COL12A1: variants seen among roughly 807,000 people sequenced by gnomAD.
The protein encoded by COL12A1 is collagen type XII alpha 1 chain.
A neutral mutation model predicts 349.7 loss-of-function variants in COL12A1; 114 were observed. The observed-to-expected ratio is 0.33, with a 90% CI of 0.28 to 0.38. The LOEUF is 0.38. Ranked by LOEUF, COL12A1 falls within the 10% of genes least tolerant of loss-of-function variation. The pLI, the probability that COL12A1 is intolerant of heterozygous loss-of-function variation, is 1.00. For missense variants in COL12A1, 3,284 were observed against 3,756.9 expected (o/e 0.87, Z 3.29); for synonymous variants, 1,369 against 1,329.0 (o/e 1.03, Z -0.66).
intron 1 of COL12A1, among the ~76,000 whole-genome samples, chr6:75,203,150 C>T (rs1030575163): frequency 3.3e-5 from 5 of 152,178 alleles, no homozygotes; most frequent in Non-Finnish European, 5.9e-5. Context: ...ATTCAGAGGT[C>T]ATTTTATCCC....
intron 46 of COL12A1, 41 bp downstream of exon 46, chr6:75,119,002 G>T (rs774610518): frequency 1.9e-6 from 3 of 1,610,470 alleles, no homozygotes; most frequent in Admixed American, 1.7e-5. Context: ...ATTTAAAAAT[G>T]TTAAAATTTC....
rs1217119772 is a variant in COL12A1 at position 75,138,436 on chromosome 6, C to T, written c.5230+12G>A. ...AAAATATCAATGTCCTATTTGAAAG[C>T]TAAACACCTACGTGTGCGCTCACTG... is the stretch of plus-strand genomic sequence containing the variant. On this transcript the variant is annotated intron_variant, in intron 29 of 65. Coordinates refer to ENST00000322507, the MANE Select transcript of COL12A1 (RefSeq NM_004370.6). The T allele has an allele frequency of 5.6e-6, 9 of 1,610,992 alleles. No homozygotes were observed. Among genetic ancestry groups the T allele is most frequent in the African/African-American group, 1.3e-5 (1 of 74,796 alleles).
Position 75,183,418 on chromosome 6 carries a change from T to C in COL12A1, c.1523A>G (p.Asn508Ser). The C allele has an allele frequency of 6.2e-7, 1 of 1,614,204 alleles. No individual in the cohort carries two copies. The highest frequency in any genetic ancestry group is 8.5e-7 in the Non-Finnish European group (1 of 1,180,040). Residue 508 changes from asparagine (N) to serine (S), a missense_variant, in exon 10 of 66, where the codon AAC (asparagine) becomes AGC (serine). Physicochemically the swap from Asn to Ser is conservative, Grantham distance 46 (BLOSUM62 1). Coordinates refer to ENST00000322507, the MANE Select transcript of COL12A1 (RefSeq NM_004370.6). ...AGATCCTCCTCTGTAAGGGAAGGTG[T>C]TTATTGCTTCAATTATATCTTCAAC... ...TKVEDIIEAI[N>S]TFPYRGGSTN...
At position 75,148,458 on chromosome 6, in the gene COL12A1, C is replaced by A. The variant is rs370549168; in HGVS notation, c.4187G>T (p.Arg1396Leu). ...EAPSNLVISE[R>L]THRSFRVSWT... is the part of the protein sequence containing the mutation. ...GCTCACTCTAAAAGAACGATGGGTT[C>A]GCTCAGAAATAACTAAGTTAGAAGG... The change falls in exon 22 of 66, where the codon CGA becomes CTA. Residue 1396 changes from arginine (R) to leucine (L), a missense_variant. By Grantham distance (102) the Arg-to-Leu change is moderately radical. Transcript: ENST00000322507. 1.9e-6 allele frequency: 3 copies of A among 1,613,376 alleles called. 1 individual carries two copies. The South Asian group carries it at 3.3e-5, about 18-fold the overall frequency.
At chr6:75,124,667 G>A (rs1183591005) in intron 40 of COL12A1, among the ~76,000 whole-genome samples, 2 of 152,108 alleles carry the variant, frequency 1.3e-5, no homozygotes, top group African/African-American at 4.8e-5. Flanking sequence ...AAGGCTATCT[G>A]CTAAGTCGTT....
chr6:75,156,819 A>T (rs1045201053), intron 14 of COL12A1, among the ~76,000 whole-genome samples: 1 of 152,214 alleles, frequency 6.6e-6, no homozygotes, highest in African/African-American at 2.4e-5. Context: ...TTCCGGAGAT[A>T]AGGTTTTAGA....
chr6:75,142,663 C>T (rs1766960418), intron 26 of COL12A1, among the ~76,000 whole-genome samples: 1 of 152,150 alleles, frequency 6.6e-6, no homozygotes, highest in South Asian at 2.1e-4. Flanking sequence ...TCCTATGTTC[C>T]AAAAATGCCT....
chr6:75,112,753 A>G (rs1183984927), intron 51 of COL12A1, among the ~76,000 whole-genome samples: 1 of 151,656 alleles, frequency 6.6e-6, no homozygotes, highest in Non-Finnish European at 1.5e-5. Context: ...TTTCACTGGC[A>G]TGTTTGTACT....
chr6:75,127,783 G>C (rs188194155), intron 38 of COL12A1, among the ~76,000 whole-genome samples: 6 of 152,226 alleles, frequency 3.9e-5, no homozygotes, highest in Non-Finnish European at 8.8e-5. Context: ...GTAAAAATGG[G>C]TCTGAACATT....
chr6:75,117,325 T>C, intron 47 of COL12A1, 57 bp downstream of exon 47: 2 of 1,557,422 alleles, frequency 1.3e-6, no homozygotes, highest in Non-Finnish European at 1.8e-6. Context: ...AATTGTCTAC[T>C]AAGTAATTGT....
rs1352539003 is a variant in COL12A1, at chr6:75,087,655, G to A, written c.9103C>T (p.Arg3035Ter). 1.9e-6 allele frequency: 3 copies of A among 1,611,054 alleles called. No individual in the cohort carries two copies. Among genetic ancestry groups the A allele is most frequent in the Non-Finnish European group, 2.5e-6 (3 of 1,179,004 alleles). ...PPGRPGNSGI[R>*]GPPGPPGYCD... is the part of the protein sequence containing the mutation. ...TATCCAGGAGGACCTGGGGGTCCTC[G>A]GATACCTGAGTTTCCAGGACGGCCA... Residue 3035 changes from arginine (R) to a stop codon, truncating the protein, a stop_gained, in exon 65 of 66, where the codon CGA becomes TGA. Transcript: ENST00000322507. LOFTEE classifies it high-confidence loss of function.
intron 1 of COL12A1, among the ~76,000 whole-genome samples, chr6:75,204,763 C>T (rs1003641463): frequency 6.6e-6 from 1 of 152,102 alleles, no homozygotes; most frequent in Non-Finnish European, 1.5e-5. Flanking sequence ...TTAACTCCCG[C>T]GTCCAGTTAA....
At chr6:75,129,920 G>A (rs1471841115) in intron 37 of COL12A1, among the ~76,000 whole-genome samples, 171 bp downstream of exon 37, 1 of 152,176 alleles carries the variant, frequency 6.6e-6, no homozygotes, top group East Asian at 1.9e-4. Context: ...TGGGAGGCCA[G>A]AAAGACTAAG....
At chr6:75,111,352 C>T (rs975106608) in intron 51 of COL12A1, among the ~76,000 whole-genome samples, 2 of 151,730 alleles carry the variant, frequency 1.3e-5, no homozygotes, top group Non-Finnish European at 3.0e-5. Context: ...ATGCAAATGC[C>T]TTTCTGGGGA....
intron 43 of COL12A1, among the ~76,000 whole-genome samples, chr6:75,121,865 T>TC (rs1160741185): frequency 6.6e-6 from 1 of 151,542 alleles, no homozygotes; most frequent in African/African-American, 2.4e-5. Context: ...GTCCTTTTTT[T>TC]TTTTTTTTTT....
chr6:75,114,738 T>C (rs1303430454), intron 49 of COL12A1, among the ~76,000 whole-genome samples: 2 of 152,098 alleles, frequency 1.3e-5, no homozygotes, highest in Non-Finnish European at 2.9e-5. Context: ...ATCTTTATAA[T>C]ATTCTATGTT....
chr6:75,170,950 T>C (rs1768599656), intron 13 of COL12A1, among the ~76,000 whole-genome samples: 1 of 152,162 alleles, frequency 6.6e-6, no homozygotes, highest in South Asian at 2.1e-4. Flanking sequence ...CAAAGGAAAT[T>C]CTAAAAAGTC....
intron 10 of COL12A1, among the ~76,000 whole-genome samples, chr6:75,182,498 G>A (rs1217598547): frequency 6.6e-6 from 1 of 152,110 alleles, no homozygotes; most frequent in Non-Finnish European, 1.5e-5. Flanking sequence ...TGCTGAGAAT[G>A]ATGGTTTCCA....
At position 75,197,071 on chromosome 6, in the gene COL12A1, G is replaced by C. The variant is rs1382942605; in HGVS notation, c.74-2124C>G. 2.0e-5 allele frequency among the ~76,000 whole-genome samples: 3 copies of C among 152,160 alleles called. 1 individual carries two copies. Among genetic ancestry groups the C allele is most frequent in the Admixed American group, 2.0e-4 (3 of 15,272 alleles). ...CACTTTTCTTCTGGCCGATTTTATT[G>C]CATGTACAGCTTTTCAGGCATGCCA... On this transcript the variant is annotated intron_variant, in intron 2 of 65. Transcript: ENST00000322507.
Sources: allele counts gnomAD v4.1 joint callset (sites outside exome capture counted in the v4.1 genomes callset), GRCh38; gene constraint gnomAD v4.1.1; transcripts MANE v1.5; gene names NCBI Gene and HGNC (gene_info 2026-07-23, HGNC 2026-07-21).